Variants in ROBO2 observed in about 807,000 individuals in gnomAD.
The protein encoded by ROBO2 is roundabout homolog 2.
A neutral mutation model predicts 160.8 loss-of-function variants in ROBO2; 53 were observed. The ratio of observed to expected loss-of-function variants is 0.33; its 90% CI spans 0.26 to 0.41. The LOEUF is 0.41. Among genes scored for constraint, ROBO2 ranks in the 10% least tolerant of loss-of-function variants. The pLI, the probability that ROBO2 is intolerant of heterozygous loss-of-function variation, is 1.00. For synonymous variants in ROBO2, 664 were observed against 611.7 expected (o/e 1.09, Z -1.26); for missense variants, 1,577 against 1,722.4 (o/e 0.92, Z 1.49).
intron 2 of ROBO2, among the ~76,000 whole-genome samples, chr3:77,390,990 G>A (rs1345447250): frequency 6.6e-6 from 1 of 151,934 alleles, no homozygotes; most frequent in Admixed American, 6.6e-5. Context: ...TTTCAGACCT[G>A]CCTTCATTTT....
intron 2 of ROBO2, among the ~76,000 whole-genome samples, chr3:76,505,292 A>G (rs1034760346): frequency 1.3e-5 from 2 of 152,078 alleles, no homozygotes; most frequent in African/African-American, 4.8e-5. Context: ...GGCAAAAACC[A>G]TCGGTTGTTT....
chr3:76,819,797 CAG>C (rs1702449616), intron 2 of ROBO2, among the ~76,000 whole-genome samples: 1 of 152,040 alleles, frequency 6.6e-6, no homozygotes, highest in South Asian at 2.1e-4. Context: ...TTTGGGAAAA[CAG>C]AGAGTTTATA....
chr3:75,947,371 C>T (rs578075270), intron 2 of ROBO2, among the ~76,000 whole-genome samples: 54 of 152,122 alleles, frequency 3.5e-4, no homozygotes, highest in Middle Eastern at 6.8e-3. Context: ...TATTACAGCC[C>T]ATGAGCCAGA....
intron 2 of ROBO2, among the ~76,000 whole-genome samples, chr3:77,328,053 A>T: frequency 9.0e-6 from 1 of 111,384 alleles, no homozygotes; most frequent in Admixed American, 1.1e-4. Flanking sequence ...ACAGTGTGAG[A>T]CCGTATCTCA....
At chr3:77,409,969 C>G (rs1367073836) in intron 2 of ROBO2, among the ~76,000 whole-genome samples, 1 of 152,128 alleles carries the variant, frequency 6.6e-6, no homozygotes, top group Non-Finnish European at 1.5e-5. Context: ...ACAAGTAAAA[C>G]AGAAACTACT....
chr3:77,580,258 T>C, intron 16 of ROBO2, 140 bp downstream of exon 17: 2 of 818,754 alleles, frequency 2.4e-6, no homozygotes, highest in East Asian at 5.3e-5. Context: ...ATGGGTTAAC[T>C]GACTAGAGTT....
At chr3:76,836,247 T>G (rs2067680837) in intron 2 of ROBO2, among the ~76,000 whole-genome samples, 1 of 151,900 alleles carries the variant, frequency 6.6e-6, no homozygotes, top group Non-Finnish European at 1.5e-5. Flanking sequence ...ATGTAGGACG[T>G]TCCTATCAAT....
At chr3:76,904,644 G>A (rs548055696) in intron 2 of ROBO2, among the ~76,000 whole-genome samples, 16 of 152,146 alleles carry the variant, frequency 1.1e-4, no homozygotes, top group Non-Finnish European at 1.9e-4. Context: ...TGGCTCAGAG[G>A]GTCTGGGATT....
At chr3:76,946,058 G>A (rs2078521045) in intron 2 of ROBO2, among the ~76,000 whole-genome samples, 1 of 152,120 alleles carries the variant, frequency 6.6e-6, no homozygotes, top group African/African-American at 2.4e-5. Flanking sequence ...TTCTTAAGCT[G>A]TGTTCTGAGA....
intron 2 of ROBO2, among the ~76,000 whole-genome samples, chr3:76,658,686 T>C (rs2091687156): frequency 1.3e-5 from 2 of 152,168 alleles, no homozygotes; most frequent in South Asian, 4.1e-4. Context: ...TATGGATGCG[T>C]AGTATTCCAA....
chr3:76,214,021 C>A (rs768160198), intron 2 of ROBO2, among the ~76,000 whole-genome samples: 1 of 152,172 alleles, frequency 6.6e-6, no homozygotes, highest in Non-Finnish European at 1.5e-5. Flanking sequence ...AGCACCCTCA[C>A]AGATGCACCC....
In ROBO2 at chr3:76,050,136, AC is replaced by A. The variant is rs747725973; in HGVS notation, c.109+112535del. On this transcript the variant is annotated intron_variant, in intron 2 of 26. Transcript: ENST00000487694. ...AACATTTGAGTTAGTGGACTAGGAG[AC>A]ATAGAACCACCCTCAATCTGGGTGG... Among the ~76,000 whole-genome samples the A allele has an allele frequency of 6.4e-4, 98 of 152,250 alleles. No homozygotes were observed. In the Middle Eastern group the frequency reaches 0.024, roughly 37 times the overall value.
Position 76,196,026 on chromosome 3 carries a change from A to T in ROBO2, c.109+258424A>T, listed in dbSNP as rs532587829. Among the ~76,000 whole-genome samples, 5 of 152,088 alleles carry T rather than the reference A, an allele frequency of 3.3e-5. No individual in the cohort carries two copies. The East Asian group carries it at 9.7e-4, about 29-fold the overall frequency. On this transcript the variant is annotated intron_variant, in intron 2 of 26. Transcript: ENST00000487694. Reference sequence around the variant, plus strand: ...AAAGAGTGTAATACCCTCTCATAGGATTGCAATGTGCACACACTCTTTGTC... The same window carrying T: ...AAAGAGTGTAATACCCTCTCATAGGTTTGCAATGTGCACACACTCTTTGTC...
chr3:77,440,044 T>TTA (rs918873753), intron 2 of ROBO2, among the ~76,000 whole-genome samples: 1 of 152,204 alleles, frequency 6.6e-6, no homozygotes, highest in African/African-American at 2.4e-5. Context: ...AAGATAGTTA[T>TTA]TATATATATG....
At chr3:77,059,290 G>T (rs910543588) in intron 1 of ROBO2, among the ~76,000 whole-genome samples, 1 of 152,160 alleles carries the variant, frequency 6.6e-6, no homozygotes, top group Non-Finnish European at 1.5e-5. Flanking sequence ...GGCTGGTAAA[G>T]CTGCAAGCAG....
chr3:77,245,246 G>A (rs1184132035), intron 2 of ROBO2, among the ~76,000 whole-genome samples: 1 of 152,146 alleles, frequency 6.6e-6, no homozygotes, highest in African/African-American at 2.4e-5. Flanking sequence ...GTGACATGGA[G>A]CCAATTTTAT....
At chr3:76,928,802 C>A (rs1559717933) in intron 2 of ROBO2, among the ~76,000 whole-genome samples, 1 of 152,202 alleles carries the variant, frequency 6.6e-6, no homozygotes, top group Non-Finnish European at 1.5e-5. Context: ...TCTGTCTTTT[C>A]ATTGTCTCTC....
At chr3:77,500,220 A>G (rs1227609208) in intron 5 of ROBO2, among the ~76,000 whole-genome samples, 2 of 152,226 alleles carry the variant, frequency 1.3e-5, no homozygotes, top group Non-Finnish European at 1.5e-5. Flanking sequence ...TTACAATGCA[A>G]TAAATGCTTT....
At chr3:76,948,085 C>T (rs914584060) in intron 2 of ROBO2, among the ~76,000 whole-genome samples, 3 of 152,034 alleles carry the variant, frequency 2.0e-5, no homozygotes, top group Non-Finnish European at 2.9e-5. Context: ...TCTGAAAAGC[C>T]CTTTATTTAT....
Sources: gnomAD v4.1 joint callset for allele counts (sites outside exome capture counted in the v4.1 genomes callset) on GRCh38, gnomAD v4.1.1 for gene constraint, MANE v1.5 for transcripts, NCBI Gene and HGNC (gene_info 2026-07-23, HGNC 2026-07-21) for gene names.